The following CHD7 variants were observed in gnomAD, a reference collection of about 807,000 sequenced individuals.
CHD7 encodes the protein ATP-dependent chromatin remodeler CHD7.
In CHD7, 24 loss-of-function variants were observed where a neutral mutation model predicts 307.3. The observed-to-expected ratio is 0.08, with a 90% confidence interval of 0.06 to 0.11. The LOEUF (loss-of-function observed/expected upper bound fraction) is 0.11. CHD7 is among the 10% of genes least tolerant of loss of function. The pLI is 1.00. For missense variants in CHD7, 3,106 were observed against 3,727.1 expected, an observed-to-expected ratio of 0.83 and a Z score of 4.34; for synonymous variants, 1,363 against 1,349.9, an observed-to-expected ratio of 1.01 and a Z score of -0.21.
intron 1 of CHD7, among the ~76,000 whole-genome samples, chr8:60,732,314 C>G (rs1046260695): frequency 3.9e-5 from 6 of 152,228 alleles, no homozygotes; most frequent in Non-Finnish European, 5.9e-5. Context: ...TCAGTGACAA[C>G]TGCAGTCAGT....
intron 1 of CHD7, among the ~76,000 whole-genome samples, chr8:60,691,342 T>C (rs1438366277): frequency 6.6e-6 from 1 of 152,178 alleles, no homozygotes; most frequent in Non-Finnish European, 1.5e-5. Flanking sequence ...ATCTAGTGAG[T>C]GATTTGACTT....
At chr8:60,763,778 C>G (rs1810336919) in intron 2 of CHD7, among the ~76,000 whole-genome samples, 2 of 152,064 alleles carry the variant, frequency 1.3e-5, no homozygotes, top group African/African-American at 4.8e-5. Context: ...TGAGCTGAGC[C>G]CACCACTCAC....
At chr8:60,787,958 T>A (rs1182824572) in intron 3 of CHD7, among the ~76,000 whole-genome samples, 3 of 151,214 alleles carry the variant, frequency 2.0e-5, no homozygotes, top group Non-Finnish European at 4.4e-5. Flanking sequence ...GTAGCTTGGG[T>A]CTACAGGCAT....
chr8:60,767,176 T>A (rs1810511055), intron 2 of CHD7, among the ~76,000 whole-genome samples: 1 of 152,052 alleles, frequency 6.6e-6, no homozygotes, highest in South Asian at 2.1e-4. Context: ...TGTGGAATAT[T>A]AGTGTGCAGT....
chr8:60,730,587 G>T (rs192639293), intron 1 of CHD7, among the ~76,000 whole-genome samples: 3 of 152,212 alleles, frequency 2.0e-5, no homozygotes, highest in Non-Finnish European at 4.4e-5. Flanking sequence ...GAGGCCGGGC[G>T]TGGTGGCTCA....
chr8:60,769,157 T>C (rs967796713), intron 2 of CHD7, among the ~76,000 whole-genome samples: 1 of 152,246 alleles, frequency 6.6e-6, no homozygotes, highest in Non-Finnish European at 1.5e-5. Context: ...AATAAACTCA[T>C]GTTTAAGAAC....
chr8:60,763,626 T>G (rs1810327594), intron 2 of CHD7, among the ~76,000 whole-genome samples: 1 of 152,104 alleles, frequency 6.6e-6, no homozygotes, highest in Non-Finnish European at 1.5e-5. Context: ...ATGAGTTAAG[T>G]TTTAGAGTTT....
At chr8:60,836,788 G>A (rs1183769356) in intron 16 of CHD7, 29 bp from the exon 17 acceptor site, 21 of 1,571,252 alleles carry the variant, frequency 1.3e-5, no homozygotes, top group Non-Finnish European at 1.8e-5. Context: ...TATGCGTCAG[G>A]CCTCCTTGTT....
intron 6 of CHD7, among the ~76,000 whole-genome samples, chr8:60,806,206 C>CA (rs1392079813): frequency 1.3e-5 from 2 of 151,734 alleles, no homozygotes; most frequent in Non-Finnish European, 2.9e-5. Flanking sequence ...ACTAAAAATA[C>CA]AAAAAAAATT....
Position 60,822,573 on chromosome 8 carries a change from A to C in CHD7, c.3028A>C (p.Ile1010Leu). 1 of 1,613,696 alleles carries C rather than the reference A, an allele frequency of 6.2e-7. No homozygotes were observed. The highest frequency in any genetic ancestry group is 8.5e-7 in the Non-Finnish European group (1 of 1,179,624). ...TIQSITFLYE[I>L]YLKGIHGPFL... Reference sequence around the variant, plus strand: ...CCAGTCCATTACATTTCTCTATGAGATATATTTGAAAGGAATCCATGGCCC... The same window carrying C: ...CCAGTCCATTACATTTCTCTATGAGCTATATTTGAAAGGAATCCATGGCCC... Residue 1010 changes from isoleucine (I) to leucine (L), a missense_variant, in exon 12 of 38, where the codon ATA becomes CTA. By Grantham distance (5) the Ile-to-Leu change is conservative. Transcript: ENST00000423902.
At chr8:60,777,185 G>GC (rs1320149262) in intron 2 of CHD7, among the ~76,000 whole-genome samples, 1 of 152,122 alleles carries the variant, frequency 6.6e-6, no homozygotes, top group East Asian at 1.9e-4. Context: ...TTCCTATAAA[G>GC]CATTGTTTTG....
intron 3 of CHD7, among the ~76,000 whole-genome samples, chr8:60,794,554 A>G (rs1230844504): frequency 1.3e-5 from 2 of 152,240 alleles, no homozygotes; most frequent in Non-Finnish European, 2.9e-5. Flanking sequence ...GATACCTTCT[A>G]GTACTGGTCA....
At chr8:60,813,163 T>A (rs1240230832) in intron 7 of CHD7, among the ~76,000 whole-genome samples, 1 of 152,222 alleles carries the variant, frequency 6.6e-6, no homozygotes. Flanking sequence ...TTTGTTGGTA[T>A]TGTGAAAGAG....
chr8:60,788,129 C>CT (rs916190577), intron 3 of CHD7, among the ~76,000 whole-genome samples: 65 of 144,310 alleles, frequency 4.5e-4, no homozygotes, highest in Middle Eastern at 3.6e-3. Context: ...CCCCAGGTGA[C>CT]TTTTTTTTTT....
chr8:60,722,748 A>G (rs1807974373), intron 1 of CHD7, among the ~76,000 whole-genome samples: 1 of 152,232 alleles, frequency 6.6e-6, no homozygotes, highest in Non-Finnish European at 1.5e-5. Flanking sequence ...CTAGATTCTC[A>G]TAGCTACTTC....
intron 32 of CHD7, among the ~76,000 whole-genome samples, chr8:60,855,555 G>A (rs908513081): frequency 6.6e-6 from 1 of 152,208 alleles, no homozygotes; most frequent in Non-Finnish European, 1.5e-5. Flanking sequence ...AATCCAGCCT[G>A]TAGATCTGAA....
At chr8:60,694,800 G>A (rs940038155) in intron 1 of CHD7, among the ~76,000 whole-genome samples, 7 of 152,250 alleles carry the variant, frequency 4.6e-5, no homozygotes, top group African/African-American at 1.4e-4. Flanking sequence ...TGCCCTGAGG[G>A]AGAGGGGCAG....
chr8:60,703,801 C>T (rs1047299359), intron 1 of CHD7, among the ~76,000 whole-genome samples: 2 of 152,228 alleles, frequency 1.3e-5, no homozygotes, highest in African/African-American at 4.8e-5. Flanking sequence ...TATTCTGCTG[C>T]ATCTCTGAAA....
intron 2 of CHD7, among the ~76,000 whole-genome samples, chr8:60,779,049 C>T (rs891487230): frequency 1.2e-4 from 18 of 152,140 alleles, no homozygotes; most frequent in Admixed American, 5.2e-4. Flanking sequence ...TCCTATATAT[C>T]GTTACTCTTT....
Sources: allele counts gnomAD v4.1 joint callset (sites outside exome capture counted in the v4.1 genomes callset), GRCh38; gene constraint gnomAD v4.1.1; transcripts MANE v1.5; gene names NCBI Gene and HGNC (gene_info 2026-07-23, HGNC 2026-07-21).